Variants in BNIP5 observed in about 807,000 individuals in gnomAD.
The protein encoded by BNIP5 is protein BNIP5.
In BNIP5, 61 loss-of-function variants were observed where a neutral mutation model predicts 67.3. The observed-to-expected ratio is 0.91, with a 90% CI of 0.74 to 1.12. The LOEUF is 1.12. BNIP5 is among the 50% of genes most tolerant of loss of function. BNIP5 has a pLI of 0.00. For synonymous variants in BNIP5, 317 were observed against 319.0 expected (o/e 0.99, Z 0.07); for missense variants, 826 against 816.3 (o/e 1.01, Z -0.14).
At chr6:36,320,078 T>C (rs1346362039) in intron 10 of BNIP5, among the ~76,000 whole-genome samples, 2 of 152,190 alleles carry the variant, frequency 1.3e-5, no homozygotes, top group South Asian at 4.1e-4. Context: ...AGAATTTATA[T>C]AAAATGTTTA....
intron 9 of BNIP5, 105 bp downstream of exon 9, chr6:36,322,206 C>T (rs1771650641): frequency 5.5e-6 from 8 of 1,453,446 alleles, no homozygotes; most frequent in South Asian, 3.5e-5. Context: ...TGCCTGCTGC[C>T]TTCCCCATTC....
At chr6:36,318,378 A>G (rs140033468) in intron 11 of BNIP5, among the ~76,000 whole-genome samples, 16 of 152,282 alleles carry the variant, frequency 1.1e-4, no homozygotes, top group African/African-American at 3.8e-4. Context: ...AGAAATCTTT[A>G]TCAGAGTCCA....
chr6:36,336,279 A>G lies in BNIP5; in HGVS notation c.-5+433T>C, dbSNP rs766332877. 4.5e-4 allele frequency among the ~76,000 whole-genome samples: 69 copies of G among 152,326 alleles called. 1 individual carries two copies. Among genetic ancestry groups the G allele is most frequent in the South Asian group, 2.9e-3 (14 of 4,826 alleles). On this transcript the variant is annotated intron_variant, in intron 1 of 11. Transcript: ENST00000437635. ...CTCTCATTTATCAGGGGGTTCCCTC[A>G]TGTACCTTCACATAAAGTCTATAAC... is the stretch of plus-strand genomic sequence containing the variant.
In BNIP5 at chr6:36,326,860, G is replaced by C; in HGVS notation, c.793-107C>G. On this transcript the variant is annotated intron_variant, in intron 4 of 11. Coordinates refer to ENST00000437635, the MANE Select transcript of BNIP5 (RefSeq NM_001010903.5). ...AAGCTGCAAGATGGCCCCGAGAGAGGGGAGGCAGCAGAGCCCAGAGCAGGG... is the reference window on the plus strand; with the variant it reads ...AAGCTGCAAGATGGCCCCGAGAGAGCGGAGGCAGCAGAGCCCAGAGCAGGG... 4 of 1,531,100 alleles carry C rather than the reference G, an allele frequency of 2.6e-6. No individual in the cohort carries two copies. The South Asian group carries it at 4.6e-5, about 18-fold the overall frequency. The allele number at this position is 1,531,100 out of a possible 1,614,324, so 94.8% of individuals were successfully genotyped here. A position where few individuals can be genotyped will look rare whatever the true frequency, so the allele number is the denominator to read the frequency against.
chr6:36,322,333 C>T lies in BNIP5; in HGVS notation c.1581G>A (p.Gln527=), dbSNP rs548733638. 1 of 1,614,202 alleles carries T rather than the reference C, an allele frequency of 6.2e-7. No individual in the cohort carries two copies. Among genetic ancestry groups the T allele is most frequent in the South Asian group, 1.1e-5 (1 of 91,086 alleles). The change falls in exon 9 of 12, where the codon CAG becomes CAA. Residue 527 remains glutamine (Q), a synonymous_variant. Transcript: ENST00000437635. The stretch of plus-strand genomic sequence containing the variant: ...GACTAGATTCACATGCTCCACTCAG[C>T]TGAGGTGCCCCTTCTGGCGTGTGGC... ...ARGHTPEGAP[Q]LSGACESKEI...
rs184422927 is a variant in BNIP5 at position 36,331,221 on chromosome 6, G to C, written c.-4-527C>G. On this transcript the variant is annotated intron_variant, in intron 1 of 11. Transcript: ENST00000437635. Reference sequence around the variant, plus strand: ...TCCCCCAAAACCCTCGGGGAATGGGGGTCATTATTCTCATTTTCCAGAGGA... The same window carrying C: ...TCCCCCAAAACCCTCGGGGAATGGGCGTCATTATTCTCATTTTCCAGAGGA... 2.1e-3 allele frequency among the ~76,000 whole-genome samples: 314 copies of C among 152,272 alleles called. 3 individuals carry two copies. The highest frequency in any genetic ancestry group is 1.7e-3 in the Non-Finnish European group (113 of 68,014).
intron 1 of BNIP5, among the ~76,000 whole-genome samples, chr6:36,334,559 T>A (rs1771973839): frequency 6.6e-6 from 1 of 152,124 alleles, no homozygotes; most frequent in Non-Finnish European, 1.5e-5. Context: ...TTCCAAAGAT[T>A]GTCTTCAGCT....
chr6:36,329,544 C>T (rs542102406), intron 2 of BNIP5, among the ~76,000 whole-genome samples: 2 of 152,180 alleles, frequency 1.3e-5, no homozygotes, highest in East Asian at 3.9e-4. Context: ...GGCGTGGTGG[C>T]TCACACCTGT....
At chr6:36,329,232 A>T (rs1771830533) in intron 2 of BNIP5, among the ~76,000 whole-genome samples, 1 of 152,236 alleles carries the variant, frequency 6.6e-6, no homozygotes, top group Non-Finnish European at 1.5e-5. Flanking sequence ...GGGTGGGAGC[A>T]GGGCTTTGCT....
chr6:36,317,840 TA>T (rs1219776804), intron 11 of BNIP5, among the ~76,000 whole-genome samples: 14 of 152,048 alleles, frequency 9.2e-5, no homozygotes, highest in African/African-American at 3.1e-4. Context: ...GAATGGTTAG[TA>T]AAACCAGAAG....
At chr6:36,322,751 G>A (rs892335254) in intron 8 of BNIP5, among the ~76,000 whole-genome samples, 2 of 152,200 alleles carry the variant, frequency 1.3e-5, no homozygotes, top group Admixed American at 1.3e-4. Flanking sequence ...TAGCCTGTCT[G>A]AACCTCACTT....
intron 1 of BNIP5, among the ~76,000 whole-genome samples, chr6:36,331,400 A>G (rs181803071): frequency 1.3e-5 from 2 of 152,286 alleles, no homozygotes. Flanking sequence ...TAATTAATTC[A>G]TCTTGTCCAA....
At position 36,327,046 on chromosome 6, in the gene BNIP5, T is replaced by G; in HGVS notation, c.776A>C (p.Asp259Ala). The G allele has an allele frequency of 6.2e-7, 1 of 1,614,078 alleles. No homozygotes were observed. Among genetic ancestry groups the G allele is most frequent in the Non-Finnish European group, 8.5e-7 (1 of 1,179,944 alleles). ...MIVELLKRVGDQWEEEQSLAS... is the reference protein window; with the variant it reads ...MIVELLKRVGAQWEEEQSLAS... Reference sequence around the variant, plus strand: ...ACTCCTCACCTCTTCTTCCCACTGGTCTCCCACTCTTTTGAGCAATTCCAC... The same window carrying G: ...ACTCCTCACCTCTTCTTCCCACTGGGCTCCCACTCTTTTGAGCAATTCCAC... Residue 259 changes from aspartate to alanine, a missense_variant, in exon 4 of 12, where the codon GAC becomes GCC. By Grantham distance (126) the Asp-to-Ala change is moderately radical (BLOSUM62 -2). Coordinates refer to ENST00000437635, the MANE Select transcript of BNIP5 (RefSeq NM_001010903.5).
chr6:36,326,430 T>C, intron 5 of BNIP5, 80 bp downstream of exon 5: 1 of 1,562,936 alleles, frequency 6.4e-7, no homozygotes, highest in Non-Finnish European at 8.7e-7. Flanking sequence ...ACCTTTAAAA[T>C]GGTCAATTCC....
chr6:36,318,030 A>T (rs532781779), intron 11 of BNIP5, among the ~76,000 whole-genome samples: 1 of 152,340 alleles, frequency 6.6e-6, no homozygotes, highest in Admixed American at 6.5e-5. Flanking sequence ...CATGGTAAGG[A>T]GGATTTCTGA....
rs1771542125 is a variant in BNIP5, at chr6:36,317,305, G to A, written c.*51C>T. On this transcript the variant is annotated 3_prime_UTR_variant, in exon 12 of 12. Coordinates refer to ENST00000437635, the MANE Select transcript of BNIP5 (RefSeq NM_001010903.5). The stretch of plus-strand genomic sequence containing the variant: ...GCATCTTCAGGGTCTCCTGGCTAAA[G>A]CTGCGAACCATTTGGCTAGTTCAAG... The A allele has an allele frequency of 5.4e-6, 8 of 1,484,190 alleles. No homozygotes were observed. Among genetic ancestry groups the A allele is most frequent in the Non-Finnish European group, 7.5e-6 (8 of 1,061,672 alleles). The allele number at this position is 1,484,190 out of a possible 1,614,324, so 91.9% of individuals were successfully genotyped here.
rs375210086 is a variant in BNIP5, at chr6:36,319,603, C to T, written c.1676G>A (p.Arg559His). 2.7e-5 allele frequency: 43 copies of T among 1,609,722 alleles called. No homozygotes were observed. Among genetic ancestry groups the T allele is most frequent in the East Asian group, 1.3e-4 (6 of 44,796 alleles). Residue 559 changes from arginine (R) to histidine (H), a missense_variant, in exon 11 of 12, where the codon CGC (arginine) becomes CAC (histidine). Physicochemically the swap from Arg to His is conservative, Grantham distance 29 (BLOSUM62 0). Transcript: ENST00000437635. ...VDGQLGQQIRRHPSFKRFFYE... is the reference protein window; with the variant it reads ...VDGQLGQQIRHHPSFKRFFYE... ...AAAAAACCTCTTAAAGCTGGGGTGGCGCCTGATCTGGAAGTGGAAATGAAA... is the reference window on the plus strand; with the variant it reads ...AAAAAACCTCTTAAAGCTGGGGTGGTGCCTGATCTGGAAGTGGAAATGAAA...
chr6:36,329,973 C>A, intron 2 of BNIP5, 108 bp downstream of exon 2: 3 of 1,271,016 alleles, frequency 2.4e-6, no homozygotes. Context: ...ACAGCGGTGC[C>A]GGCCCCTGAC....
rs777054304 is a variant in BNIP5, at chr6:36,323,281, A to G, written c.1471+12T>C. 1.2e-6 allele frequency: 2 copies of G among 1,614,078 alleles called. No individual in the cohort carries two copies. The highest frequency in any genetic ancestry group is 1.7e-6 in the Non-Finnish European group (2 of 1,180,010). On this transcript the variant is annotated intron_variant, in intron 8 of 11. Transcript: ENST00000437635. ...AAGCCTCTGTTACCATGGCAACACC[A>G]GGCCTGCTCACCAAGGCTGCTGGAG...
Sources: gnomAD v4.1 joint callset for allele counts (sites outside exome capture counted in the v4.1 genomes callset) on GRCh38, gnomAD v4.1.1 for gene constraint, MANE v1.5 for transcripts, NCBI Gene and HGNC (gene_info 2026-07-23, HGNC 2026-07-21) for gene names.